Variants in DRC7 observed in about 807,000 individuals in gnomAD.
DRC7 encodes the protein dynein regulatory complex subunit 7, also known as coiled-coil domain containing 135.
In DRC7, 80 loss-of-function variants were observed where a neutral mutation model predicts 104.4. That is an observed-to-expected ratio of 0.77 (90% confidence interval 0.64 to 0.92). The LOEUF (loss-of-function observed/expected upper bound fraction) is 0.92, where lower values mean the gene tolerates loss of function less well. DRC7 is among the 40% of genes least tolerant of loss of function. DRC7 has a pLI of 0.00. For missense variants in DRC7, 1,034 were observed against 1,141.1 expected (o/e 0.91, Z 1.35); for synonymous variants, 405 against 447.3 (o/e 0.91, Z 1.19).
In DRC7 at chr16:57,726,143, G is replaced by A. The variant is rs542227091; in HGVS notation, c.1834G>A (p.Ala612Thr). ...EDVAERVFLV[A>T]EERIQLRYHC... ...CGTGGCAGAGCGCGTGTTTCTGGTC[G>A]CGGAGGAGCGCATCCAGCTGCGCTA... is the stretch of plus-strand genomic sequence containing the variant. The change falls in exon 14 of 19, where the codon GCG becomes ACG. Residue 612 changes from alanine to threonine, a missense_variant. Ala to Thr is a moderately conservative substitution (Grantham distance 58). Transcript: ENST00000360716. The A allele has an allele frequency of 2.9e-5, 47 of 1,613,168 alleles. No individual in the cohort carries two copies. In the East Asian group the frequency reaches 7.6e-4, roughly 26 times the overall value.
chr16:57,705,717 CCCAT>C (rs2048710486), intron 7 of DRC7, among the ~76,000 whole-genome samples: 2 of 123,008 alleles, frequency 1.6e-5, no homozygotes, highest in African/African-American at 6.2e-5. Flanking sequence ...CCATCATCCT[CCCAT>C]CCATCCATCC....
intron 8 of DRC7, among the ~76,000 whole-genome samples, chr16:57,712,123 A>G (rs1334282889): frequency 6.6e-6 from 1 of 152,154 alleles, no homozygotes; most frequent in Non-Finnish European, 1.5e-5. Context: ...GTTTCTCCCA[A>G]AGTTAGTTCA....
chr16:57,725,980 G>A lies in DRC7; in HGVS notation c.1759-88G>A, dbSNP rs574014945. On this transcript the variant is annotated intron_variant, in intron 13 of 18. Coordinates refer to ENST00000360716, the MANE Select transcript of DRC7 (RefSeq NM_001289162.2). Reference sequence around the variant, plus strand: ...GACCCCAGACTCCAGTGTCCTGAACGTTCGTTGCTCCTGCCTGCGGGCATG... The same window carrying A: ...GACCCCAGACTCCAGTGTCCTGAACATTCGTTGCTCCTGCCTGCGGGCATG... The A allele has an allele frequency of 7.1e-6, 8 of 1,132,784 alleles. No individual in the cohort carries two copies. In the African/African-American group the frequency reaches 7.6e-5, roughly 11 times the overall value. 70.2% of individuals were successfully genotyped at this position (1,132,784 alleles called of 1,614,324 possible). A position where few individuals can be genotyped will look rare whatever the true frequency, so the allele number is the denominator to read the frequency against.
Position 57,726,215 on chromosome 16 carries a change from C to T in DRC7, c.1906C>T (p.Arg636Trp), listed in dbSNP as rs748847770. 8.7e-6 allele frequency: 14 copies of T among 1,613,020 alleles called. No homozygotes were observed. Among genetic ancestry groups the T allele is most frequent in the Non-Finnish European group, 1.1e-5 (13 of 1,179,974 alleles). ...HITASKREFL[R>W]RTEVDSKGNK... is the part of the protein sequence containing the mutation. The stretch of plus-strand genomic sequence containing the variant: ...CACGGCCTCCAAGCGCGAGTTCCTG[C>T]GGCGCACCGAGGTGGACAGCAAAGG... Residue 636 changes from arginine to tryptophan, a missense_variant, in exon 14 of 19, where the codon CGG (arginine) becomes TGG (tryptophan). Physicochemically the swap from Arg to Trp is moderately radical, Grantham distance 101. Coordinates refer to ENST00000360716, the MANE Select transcript of DRC7 (RefSeq NM_001289162.2).
intron 8 of DRC7, 22 bp downstream of exon 8, chr16:57,707,700 G>C (rs2122486): frequency 0.23 from 363,824 of 1,604,678 alleles, 42,898 homozygotes; most frequent in South Asian, 0.25. Context: ...GGGGGAGCTG[G>C]GTGGGTGTGG....
intron 1 of DRC7, among the ~76,000 whole-genome samples, chr16:57,695,689 G>C (rs1271166857): frequency 2.0e-5 from 3 of 152,236 alleles, no homozygotes; most frequent in African/African-American, 7.2e-5. Context: ...CTTCCAGCCA[G>C]ATGAGCATTC....
At chr16:57,729,436 A>G (rs1400828889) in intron 17 of DRC7, among the ~76,000 whole-genome samples, 139 of 25,924 alleles carry the variant, frequency 5.4e-3, no homozygotes, top group Middle Eastern at 0.059. Context: ...ATGGGTGGAT[A>G]GATGGATGGA....
At chr16:57,708,145 T>C (rs2048752984) in intron 8 of DRC7, among the ~76,000 whole-genome samples, 1 of 152,152 alleles carries the variant, frequency 6.6e-6, no homozygotes, top group African/African-American at 2.4e-5. Context: ...CACACGCGCC[T>C]ACAAGAGGGT....
intron 3 of DRC7, 123 bp downstream of exon 3, chr16:57,698,275 G>C (rs1313031905): frequency 8.3e-6 from 12 of 1,439,542 alleles, no homozygotes; most frequent in Non-Finnish European, 1.1e-5. Flanking sequence ...GCAGTTATGA[G>C]TGAAGGCTTT....
intron 5 of DRC7, chr16:57,701,704 C>T: frequency 1.9e-6 from 1 of 524,822 alleles, no homozygotes; most frequent in Non-Finnish European, 3.4e-6. Context: ...TTCCCCCTAT[C>T]AGGAAGTCCA....
At chr16:57,704,793 C>T in intron 6 of DRC7, 83 bp from the exon 7 acceptor site, 1 of 1,516,134 alleles carries the variant, frequency 6.6e-7, no homozygotes, top group Non-Finnish European at 8.9e-7. Flanking sequence ...GAGGGACTGG[C>T]TGGGCGGGTC....
At chr16:57,720,428 C>G (rs2048890700) in intron 9 of DRC7, among the ~76,000 whole-genome samples, 1 of 152,220 alleles carries the variant, frequency 6.6e-6, no homozygotes, top group Non-Finnish European at 1.5e-5. Context: ...TGCAGTAAAT[C>G]CAGGCATAGG....
chr16:57,701,911 G>A (rs1292821497), intron 5 of DRC7, 25 bp from the exon 6 acceptor site: 2 of 1,605,806 alleles, frequency 1.2e-6, no homozygotes, highest in Non-Finnish European at 1.7e-6. Flanking sequence ...GGCCCCAGCT[G>A]TGCTGACCGT....
At chr16:57,718,012 C>T (rs1348477097) in intron 8 of DRC7, among the ~76,000 whole-genome samples, 1 of 152,242 alleles carries the variant, frequency 6.6e-6, no homozygotes, top group Non-Finnish European at 1.5e-5. Flanking sequence ...GCTCTAAGCA[C>T]TGCCCAGCCG....
chr16:57,729,088 AGGTGGATGGATGAGTG>A (rs1245064629), intron 17 of DRC7, among the ~76,000 whole-genome samples: 12 of 100,176 alleles, frequency 1.2e-4, no homozygotes, highest in African/African-American at 3.1e-4. Context: ...ATGAGTGGGT[AGGTGGATGGATGAGTG>A]GGTGGATGGA....
intron 8 of DRC7, among the ~76,000 whole-genome samples, chr16:57,712,266 C>A (rs1231464680): frequency 2.0e-5 from 3 of 152,174 alleles, no homozygotes; most frequent in Non-Finnish European, 4.4e-5. Context: ...GGCAGTTCCA[C>A]AGTCACATTT....
At position 57,702,105 on chromosome 16, in the gene DRC7, G is replaced by T; in HGVS notation, c.674G>T (p.Cys225Phe). ...LCHMDLTREV[C>F]PLTVKPKETI... ...CACATGGACCTGACGCGGGAGGTGT[G>T]CCCACTCACTGTGAAGCCCAAGGAG... The change falls in exon 6 of 19, where the codon TGC (cysteine) becomes TTC (phenylalanine). Residue 225 changes from cysteine (C) to phenylalanine (F), a missense_variant. Transcript: ENST00000360716. The T allele has an allele frequency of 6.2e-7, 1 of 1,614,106 alleles. No individual in the cohort carries two copies. Among genetic ancestry groups the T allele is most frequent in the Non-Finnish European group, 8.5e-7 (1 of 1,180,020 alleles).
rs1263382591 is a variant in DRC7 at position 57,717,917 on chromosome 16, G to A, written c.1078-430G>A. 7.9e-5 allele frequency among the ~76,000 whole-genome samples: 12 copies of A among 152,262 alleles called. No individual in the cohort carries two copies. The East Asian group carries it at 2.1e-3, about 27-fold the overall frequency. Reference sequence around the variant, plus strand: ...GTTCCTGGCATGGGTAAAATAAACAGGAGGAAGCCTTTTTAAAAAACCTTC... The same window carrying A: ...GTTCCTGGCATGGGTAAAATAAACAAGAGGAAGCCTTTTTAAAAAACCTTC... On this transcript the variant is annotated intron_variant, in intron 8 of 18. Coordinates refer to ENST00000360716, the MANE Select transcript of DRC7 (RefSeq NM_001289162.2).
At chr16:57,722,959 G>A (rs112896136) in intron 11 of DRC7, 43 bp from the exon 12 acceptor site, 9 of 1,613,460 alleles carry the variant, frequency 5.6e-6, no homozygotes, top group Non-Finnish European at 6.8e-6. Context: ...TTGAAGGCTA[G>A]GGGAGCTGGC....
Sources: gnomAD v4.1 joint callset for allele counts (sites outside exome capture counted in the v4.1 genomes callset) on GRCh38, gnomAD v4.1.1 for gene constraint, MANE v1.5 for transcripts, NCBI Gene and HGNC (gene_info 2026-07-23, HGNC 2026-07-21) for gene names.